RUFY4: variants seen among roughly 807,000 people sequenced by gnomAD.
The protein encoded by RUFY4 is RUN and FYVE domain-containing protein 4.
In RUFY4, 73 loss-of-function variants were observed where a neutral mutation model predicts 69.0. The ratio of observed to expected loss-of-function variants is 1.06; its 90% CI spans 0.88 to 1.29. RUFY4 has a LOEUF of 1.29. Among genes scored for constraint, RUFY4 ranks in the 50% most tolerant of loss-of-function variants. RUFY4 has a pLI of 0.00. For missense variants in RUFY4, 770 were observed against 705.6 expected (o/e 1.09, Z -1.03); for synonymous variants, 287 against 271.8 (o/e 1.06, Z -0.55).
intron 2 of RUFY4, among the ~76,000 whole-genome samples, 178 bp from the exon 5 acceptor site, chr2:218,072,196 G>A (rs991036880): frequency 6.6e-6 from 1 of 152,226 alleles, no homozygotes; most frequent in African/African-American, 2.4e-5. Context: ...CTGAGGCTCA[G>A]GGAGGTCAAG....
intron 2 of RUFY4, among the ~76,000 whole-genome samples, chr2:218,049,883 T>A (rs1688907417): frequency 6.6e-6 from 1 of 152,210 alleles, no homozygotes. Context: ...CTTATTTGAA[T>A]TGAATCTGCT....
chr2:218,047,001 CAA>C (rs1394909725), intron 2 of RUFY4, among the ~76,000 whole-genome samples: 1 of 101,750 alleles, frequency 9.8e-6, no homozygotes, highest in Non-Finnish European at 2.0e-5. Context: ...ACCAAAGTGA[CAA>C]TGATTTCAAA....
intron 2 of RUFY4, among the ~76,000 whole-genome samples, chr2:218,047,870 T>C (rs1482393044): frequency 6.6e-6 from 1 of 152,230 alleles, no homozygotes; most frequent in African/African-American, 2.4e-5. Context: ...TTTATATGTA[T>C]ATTTTCATAT....
At chr2:218,060,908 G>A (rs1228625777) in intron 3 of RUFY4, 1 of 1,051,278 alleles carries the variant, frequency 9.5e-7, no homozygotes, top group Admixed American at 1.7e-5. Context: ...ACAGGAACAG[G>A]TTCCACAAAC....
chr2:218,035,903 G>C (rs1958969627), intron 2 of RUFY4, among the ~76,000 whole-genome samples: 1 of 152,238 alleles, frequency 6.6e-6, no homozygotes, highest in African/African-American at 2.4e-5. Context: ...GGTGTCTCGA[G>C]GAGGATGAGT....
At position 218,075,713 on chromosome 2, in the gene RUFY4, C is replaced by T. The variant is rs79542221; in HGVS notation, c.1221C>T (p.Ala407=). Residue 407 remains alanine (A), a synonymous_variant, in exon 7 of 11, where the codon GCC becomes GCT. Coordinates refer to ENST00000344321, the Ensembl canonical transcript of RUFY4. ...TTGTGGCCAGAAGGGAGGAGCAAGC[C>T]GAGGTGTCCCTGCAGGACGAGATCA... 3,258 of 1,450,448 alleles carry T rather than the reference C, an allele frequency of 2.2e-3. 76 individuals are homozygous for T. In the African/African-American group the frequency reaches 0.039, roughly 18 times the overall value. The allele number at this position is 1,450,448 out of a possible 1,614,324, so 89.8% of individuals were successfully genotyped here.
At chr2:218,046,392 T>C (rs1005915971) in intron 2 of RUFY4, among the ~76,000 whole-genome samples, 7 of 152,116 alleles carry the variant, frequency 4.6e-5, no homozygotes, top group African/African-American at 1.7e-4. Flanking sequence ...ACCTCTCTTC[T>C]ACTTTTCACT....
At chr2:218,054,399 A>G (rs766398409) in intron 2 of RUFY4, among the ~76,000 whole-genome samples, 30 of 152,234 alleles carry the variant, frequency 2.0e-4, no homozygotes, top group Admixed American at 5.9e-4. Flanking sequence ...TACTGAAAAT[A>G]CAAAAATTAG....
intron 1 of RUFY4, 28 bp from the exon 4 acceptor site, chr2:218,070,725 G>A (rs1007710787): frequency 4.6e-6 from 7 of 1,535,562 alleles, no homozygotes; most frequent in African/African-American, 4.1e-5. Flanking sequence ...CTCCCTCAGC[G>A]ACCTGACATC....
At chr2:218,090,596 T>C (rs1690010232), downstream of RUFY4, 1 of 154,534 alleles carries the variant, frequency 6.5e-6, no homozygotes, top group African/African-American at 2.4e-5. Flanking sequence ...TTGATGAGTT[T>C]TGATTTTAAC....
chr2:218,066,101 C>G (rs531971005), upstream of RUFY4, among the ~76,000 whole-genome samples: 240 of 151,044 alleles, frequency 1.6e-3, 7 homozygotes, highest in South Asian at 0.046. Context: ...GTCCAAAGTG[C>G]TGCTAGGTGG....
intron 2 of RUFY4, among the ~76,000 whole-genome samples, chr2:218,035,917 C>T (rs758875747): frequency 9.9e-5 from 15 of 152,160 alleles, no homozygotes; most frequent in African/African-American, 3.4e-4. Context: ...GATGAGTACC[C>T]GGGTGAGGCT....
At chr2:218,053,983 A>T (rs979742576) in intron 2 of RUFY4, among the ~76,000 whole-genome samples, 2 of 152,256 alleles carry the variant, frequency 1.3e-5, no homozygotes, top group African/African-American at 4.8e-5. Flanking sequence ...GATGTTACTG[A>T]CAGAAATCTT....
Position 218,073,801 on chromosome 2 carries a change from C to A in RUFY4, c.531-15C>A. On this transcript the variant is annotated splice_polypyrimidine_tract_variant and intron_variant, in intron 5 of 10. Coordinates refer to ENST00000344321, the Ensembl canonical transcript of RUFY4. The stretch of plus-strand genomic sequence containing the variant: ...GAAGAGAGGCCCAGGGTCCCCCTGC[C>A]TCTTTCACTTTCAGGTCACGCTGCT... The A allele has an allele frequency of 3.1e-6, 5 of 1,613,876 alleles. No individual in the cohort carries two copies. The highest frequency in any genetic ancestry group is 4.2e-6 in the Non-Finnish European group (5 of 1,179,836).
chr2:218,052,029 A>C (rs757376822), intron 2 of RUFY4, among the ~76,000 whole-genome samples: 3 of 152,146 alleles, frequency 2.0e-5, no homozygotes, highest in Non-Finnish European at 4.4e-5. Flanking sequence ...TTCCTCTTAA[A>C]GCTTTTCAGA....
chr2:218,073,073 G>A (rs1689532896), intron 4 of RUFY4, among the ~76,000 whole-genome samples, 170 bp from the exon 7 acceptor site: 1 of 151,292 alleles, frequency 6.6e-6, no homozygotes, highest in South Asian at 2.1e-4. Context: ...GAGCATCAGG[G>A]TTCTTGGGCC....
intron 8 of RUFY4, 26 bp downstream of exon 10, chr2:218,076,559 G>C: frequency 6.5e-7 from 1 of 1,547,562 alleles, no homozygotes; most frequent in East Asian, 2.5e-5. Context: ...CACAGCACAG[G>C]GCACCTGGAA....
At chr2:218,083,177 G>T in exon 9 of RUFY4, 1 of 1,613,760 alleles carries the variant, frequency 6.2e-7, no homozygotes, top group South Asian at 1.1e-5. Flanking sequence ...TGAGAGGAGG[G>T]ATGCCATGTA....
At chr2:218,075,592 G>A in exon 7 of RUFY4, 1 of 1,524,454 alleles carries the variant, frequency 6.6e-7, no homozygotes, top group African/African-American at 1.4e-5. Context: ...GGGTCGGGGG[G>A]CTCTAGCATC....
Sources: gnomAD v4.1 joint callset for allele counts (sites outside exome capture counted in the v4.1 genomes callset) on GRCh38, gnomAD v4.1.1 for gene constraint, MANE v1.5 for transcripts, NCBI Gene and HGNC (gene_info 2026-07-23, HGNC 2026-07-21) for gene names.